The following NCKAP1 variants were observed in gnomAD, a reference collection of about 807,000 sequenced individuals.
The protein encoded by NCKAP1 is nck-associated protein 1.
In NCKAP1, 21 loss-of-function variants were observed where a neutral mutation model predicts 151.2. The observed-to-expected ratio is 0.14, with a 90% CI of 0.10 to 0.20. The LOEUF is 0.20. NCKAP1 is among the 10% of genes least tolerant of loss of function. NCKAP1 has a pLI of 1.00. For synonymous variants in NCKAP1, 484 were observed against 451.8 expected, an observed-to-expected ratio of 1.07 and a Z score of -0.90; for missense variants, 933 against 1,352.1, an observed-to-expected ratio of 0.69 and a Z score of 4.86.
At chr2:182,956,336 G>A (rs1037427383) in intron 20 of NCKAP1, 126 bp downstream of exon 20, 31 of 1,243,834 alleles carry the variant, frequency 2.5e-5, no homozygotes, top group Admixed American at 1.3e-4. Flanking sequence ...CACCACGCCC[G>A]GCCCGGTTCA....
chr2:182,972,161 G>A (rs1377094963), intron 15 of NCKAP1, among the ~76,000 whole-genome samples: 2 of 125,908 alleles, frequency 1.6e-5, no homozygotes, highest in Admixed American at 9.7e-5. Flanking sequence ...AAATATCTAC[G>A]AACTATTCAA....
chr2:182,936,920 G>T (rs1320245426), intron 24 of NCKAP1, among the ~76,000 whole-genome samples: 1 of 151,772 alleles, frequency 6.6e-6, no homozygotes, highest in Non-Finnish European at 1.5e-5. Context: ...TTCAAGACCA[G>T]CCTGGGCAAC....
In NCKAP1 at chr2:183,038,265, G is replaced by A; in HGVS notation, c.-166C>T. ...CCCAATCCCGCGCCGGCGACAGAGC[G>A]AGCCGCGGCGGACTCCTCGGAGCCC... On this transcript the variant is annotated 5_prime_UTR_variant, in exon 1 of 31. Transcript: ENST00000361354. The A allele has an allele frequency of 4.6e-6, 2 of 438,010 alleles. No homozygotes were observed. Among genetic ancestry groups the A allele is most frequent in the East Asian group, 3.8e-5 (1 of 26,078 alleles). The allele number at this position is 438,010 out of a possible 1,614,324, so 27.1% of individuals were successfully genotyped here.
chr2:182,913,648 G>C lies in NCKAP1; in HGVS notation c.*12054C>G, dbSNP rs1346852216. 6.6e-6 allele frequency: 1 copy of C among 152,086 alleles called. No individual in the cohort carries two copies. The highest frequency in any genetic ancestry group is 1.5e-5 in the Non-Finnish European group (1 of 68,022). 9.4% of individuals were successfully genotyped at this position (152,086 alleles called of 1,614,324 possible). On this transcript the variant is annotated 3_prime_UTR_variant, in exon 31 of 31. Coordinates refer to ENST00000361354, the MANE Select transcript of NCKAP1 (RefSeq NM_013436.5). ...TACTTTATAAATTACCCAGTCTCGG[G>C]TATTCAGCTATAGCAACAAAAAATG...
chr2:182,976,967 A>C lies in NCKAP1; in HGVS notation c.1424-16T>G, dbSNP rs1386226181. 1 of 1,465,668 alleles carries C rather than the reference A, an allele frequency of 6.8e-7. No homozygotes were observed. Among genetic ancestry groups the C allele is most frequent in the Non-Finnish European group, 9.2e-7 (1 of 1,085,952 alleles). The allele number at this position is 1,465,668 out of a possible 1,614,324, so 90.8% of individuals were successfully genotyped here. On this transcript the variant is annotated splice_polypyrimidine_tract_variant and intron_variant, in intron 14 of 30. Transcript: ENST00000361354. Reference sequence around the variant, plus strand: ...CCATCTTCAACTGTAGTAATAGAAAAAAAAAAAAGATTACAAAGCAAATTA... The same window carrying C: ...CCATCTTCAACTGTAGTAATAGAAACAAAAAAAAGATTACAAAGCAAATTA...
chr2:182,986,221 A>G lies in NCKAP1; in HGVS notation c.954T>C (p.Asn318=), dbSNP rs767930924. 1.2e-6 allele frequency: 2 copies of G among 1,613,224 alleles called. No individual in the cohort carries two copies. Among genetic ancestry groups the G allele is most frequent in the Non-Finnish European group, 1.7e-6 (2 of 1,179,352 alleles). The change falls in exon 10 of 31, where the codon AAT becomes AAC. Residue 318 remains asparagine, a synonymous_variant. Coordinates refer to ENST00000361354, the MANE Select transcript of NCKAP1 (RefSeq NM_013436.5). ...ATTCTCTTATGTCATTAATACGTTT[A>G]TTATAGCTAGGTGCAAAAACAAATT... ...EDLFVNIRGY[N]KRINDIRECK... is the part of the protein sequence containing the mutation.
chr2:182,935,422 T>C, intron 24 of NCKAP1, 47 bp from the exon 25 acceptor site: 1 of 1,182,328 alleles, frequency 8.5e-7, no homozygotes, highest in Non-Finnish European at 1.2e-6. Flanking sequence ...AAGTGTGAAC[T>C]GGATTCTTTC....
intron 1 of NCKAP1, chr2:183,025,056 T>C (rs1698869622): frequency 1.3e-6 from 2 of 1,525,576 alleles, no homozygotes; most frequent in South Asian, 1.2e-5. Flanking sequence ...TGTCAAACTA[T>C]GATATACGTT....
intron 14 of NCKAP1, among the ~76,000 whole-genome samples, chr2:182,978,171 T>C (rs1014067569): frequency 2.0e-5 from 3 of 152,186 alleles, no homozygotes; most frequent in African/African-American, 4.8e-5. Flanking sequence ...GCAATAAAGA[T>C]TGAACTAAGA....
At position 182,916,167 on chromosome 2, in the gene NCKAP1, G is replaced by A. The variant is rs1575005365; in HGVS notation, c.*9535C>T. On this transcript the variant is annotated 3_prime_UTR_variant, in exon 31 of 31. Coordinates refer to ENST00000361354, the MANE Select transcript of NCKAP1 (RefSeq NM_013436.5). The stretch of plus-strand genomic sequence containing the variant: ...GTACCTTGCTTCCCCTTCGCCTTCT[G>A]TCAAAAAAAAAAAAAAAAAAAAAAC... 4 of 58,872 alleles carry A rather than the reference G, an allele frequency of 6.8e-5. No individual in the cohort carries two copies. The highest frequency in any genetic ancestry group is 2.7e-4 in the Admixed American group (1 of 3,712). 3.6% of individuals were successfully genotyped at this position (58,872 alleles called of 1,614,324 possible).
chr2:183,008,251 C>T (rs1157314465), intron 2 of NCKAP1, among the ~76,000 whole-genome samples: 8 of 152,136 alleles, frequency 5.3e-5, no homozygotes, highest in South Asian at 4.1e-4. Context: ...TAAAGCAACA[C>T]ACTACCCTAA....
chr2:182,935,634 A>C (rs1432808132), intron 24 of NCKAP1: 2 of 210,484 alleles, frequency 9.5e-6, no homozygotes, highest in East Asian at 9.9e-5. Context: ...TAGATGGTTC[A>C]CAAGTAGCTA....
intron 2 of NCKAP1, among the ~76,000 whole-genome samples, chr2:183,011,728 T>C (rs1434838801): frequency 6.6e-6 from 1 of 152,256 alleles, no homozygotes; most frequent in Non-Finnish European, 1.5e-5. Context: ...GCTATGAACA[T>C]GTCTTTGGGT....
rs1291332670 is a variant in NCKAP1 at position 182,917,329 on chromosome 2, A to G, written c.*8373T>C. ...CAGGAACCAGTAGCTGTTTATCATT[A>G]TGAAGACTATTACTGCATAAACATA... is the stretch of plus-strand genomic sequence containing the variant. On this transcript the variant is annotated 3_prime_UTR_variant, in exon 31 of 31. Transcript: ENST00000361354. 6.6e-6 allele frequency: 1 copy of G among 152,246 alleles called. No individual in the cohort carries two copies. The highest frequency in any genetic ancestry group is 6.5e-5 in the Admixed American group (1 of 15,286). The allele number at this position is 152,246 out of a possible 1,614,324, so 9.4% of individuals were successfully genotyped here.
At chr2:183,031,573 G>A (rs1699004615) in intron 1 of NCKAP1, among the ~76,000 whole-genome samples, 1 of 152,050 alleles carries the variant, frequency 6.6e-6, no homozygotes, top group Non-Finnish European at 1.5e-5. Flanking sequence ...TTTAATCTGG[G>A]GGTGGGGGGG....
At chr2:183,012,200 T>C (rs12476227) in intron 2 of NCKAP1, among the ~76,000 whole-genome samples, 151,986 of 152,042 alleles carry the variant, frequency 1, 75,965 homozygotes, top group Middle Eastern at 1. Flanking sequence ...AGGGTAACAA[T>C]AAAAACAAAA....
intron 24 of NCKAP1, among the ~76,000 whole-genome samples, chr2:182,936,163 T>C (rs1575016038): frequency 1.3e-5 from 2 of 151,914 alleles, no homozygotes; most frequent in Non-Finnish European, 2.9e-5. Context: ...GAGGCTAAGA[T>C]GGGAGGATCC....
At chr2:182,936,714 T>C (rs988544982) in intron 24 of NCKAP1, among the ~76,000 whole-genome samples, 2 of 152,152 alleles carry the variant, frequency 1.3e-5, no homozygotes, top group Non-Finnish European at 2.9e-5. Context: ...TTAAAAGTCA[T>C]GTTAACAAAA....
At chr2:182,955,438 A>C (rs1444836552) in intron 20 of NCKAP1, among the ~76,000 whole-genome samples, 1 of 152,166 alleles carries the variant, frequency 6.6e-6, no homozygotes, top group Non-Finnish European at 1.5e-5. Flanking sequence ...CTTCAGAAAA[A>C]GGTTAAAACA....
Sources: gnomAD v4.1 joint callset for allele counts (sites outside exome capture counted in the v4.1 genomes callset) on GRCh38, gnomAD v4.1.1 for gene constraint, MANE v1.5 for transcripts, NCBI Gene and HGNC (gene_info 2026-07-23, HGNC 2026-07-21) for gene names.